EEF2: variants seen among roughly 807,000 people sequenced by gnomAD.
EEF2 encodes the protein elongation factor 2.
In EEF2, 21 loss-of-function variants were observed where a neutral mutation model predicts 85.3. That is an observed-to-expected ratio of 0.25 (90% confidence interval 0.17 to 0.35). EEF2 has a LOEUF of 0.35. Among genes scored for constraint, EEF2 ranks in the 10% least tolerant of loss-of-function variants. The pLI, the probability that EEF2 is intolerant of heterozygous loss-of-function variation, is 1.00. For missense variants in EEF2, 825 were observed against 1,225.3 expected (o/e 0.67, Z 4.88); for synonymous variants, 723 against 508.8 (o/e 1.42, Z -5.67).
At position 3,979,872 on chromosome 19, in the gene EEF2, G is replaced by A. The variant is rs2039723948; in HGVS notation, c.1541C>T (p.Pro514Leu). 6 of 1,613,668 alleles carry A rather than the reference G, an allele frequency of 3.7e-6. No individual in the cohort carries two copies. Among genetic ancestry groups the A allele is most frequent in the Non-Finnish European group, 5.1e-6 (6 of 1,180,040 alleles). The change falls in exon 10 of 15, where the codon CCG becomes CTG. Residue 514 changes from proline to leucine, a missense_variant. Coordinates refer to ENST00000309311, the MANE Select transcript of EEF2 (RefSeq NM_001961.4). Reference protein sequence around the residue: ...VVRVAVEAKNPADLPKLVEGL... With the variant: ...VVRVAVEAKNLADLPKLVEGL... ...CTCCACCAGCTTGGGCAGGTCAGCC[G>A]GGTTCTTGGCCTCCACGGCCACTCT...
At chr19:3,981,286 C>G (rs890509239) in intron 7 of EEF2, 53 bp downstream of exon 7, 18 of 1,559,676 alleles carry the variant, frequency 1.2e-5, no homozygotes, top group Non-Finnish European at 1.4e-5. Flanking sequence ...TCAGAGCATC[C>G]GGAAACAGCA....
chr19:3,980,337 G>A (rs2039729963), intron 9 of EEF2, among the ~76,000 whole-genome samples, 177 bp downstream of exon 9: 1 of 152,260 alleles, frequency 6.6e-6, no homozygotes, highest in African/African-American at 2.4e-5. Flanking sequence ...CTGGGGCTTG[G>A]AGCTTCTCCA....
At chr19:3,984,060 C>G in intron 2 of EEF2, 76 bp downstream of exon 2, 1 of 1,524,426 alleles carries the variant, frequency 6.6e-7, no homozygotes. Context: ...TCTCTCCCCG[C>G]GCACCCTGGC....
At chr19:3,981,003 T>C in intron 7 of EEF2, 24 bp from the exon 8 acceptor site, 1 of 1,559,302 alleles carries the variant, frequency 6.4e-7, no homozygotes, top group Non-Finnish European at 8.7e-7. Flanking sequence ...GAGCGGTGCA[T>C]GAGACACCTG....
intron 5 of EEF2, 51 bp from the exon 6 acceptor site, chr19:3,982,103 T>C (rs781757393): frequency 1.7e-5 from 27 of 1,607,462 alleles, no homozygotes; most frequent in East Asian, 4.5e-5. Flanking sequence ...AGGGGATGAC[T>C]TGGGGAGGGT....
intron 14 of EEF2, among the ~76,000 whole-genome samples, chr19:3,976,957 G>C (rs569543724): frequency 2.0e-5 from 3 of 152,206 alleles, no homozygotes; most frequent in Non-Finnish European, 4.4e-5. Flanking sequence ...GCTACAGCTC[G>C]GCTGCTCTAC....
chr19:3,977,735 GTC>G lies in EEF2; in HGVS notation c.2067+82_2067+83del, dbSNP rs1293543060. 1.6e-5 allele frequency: 24 copies of G among 1,493,104 alleles called. No individual in the cohort carries two copies. The highest frequency in any genetic ancestry group is 2.3e-5 in the East Asian group (1 of 43,662). 92.5% of individuals were successfully genotyped at this position (1,493,104 alleles called of 1,614,324 possible). A position where few individuals can be genotyped will look rare whatever the true frequency, so the allele number is the denominator to read the frequency against. On this transcript the variant is annotated intron_variant, in intron 12 of 14. Coordinates refer to ENST00000309311, the MANE Select transcript of EEF2 (RefSeq NM_001961.4). The surrounding 1 kb of genome is among the most constrained non-coding windows in gnomAD (Gnocchi z 5.4). ...CCTTGCCCGCCTTGGCCCCATTAGG[GTC>G]TCTGTCTCGGGAGGCAGGACCATGA...
At position 3,981,209 on chromosome 19, in the gene EEF2, G is replaced by A. The variant is rs917847100; in HGVS notation, c.1011+130C>T. The A allele has an allele frequency of 3.7e-6, 4 of 1,091,956 alleles. No homozygotes were observed. The Admixed American group carries it at 9.3e-5, about 25-fold the overall frequency. 67.6% of individuals were successfully genotyped at this position (1,091,956 alleles called of 1,614,324 possible). The stretch of plus-strand genomic sequence containing the variant: ...GGATGTGTCTCCAGCAGCACCCAGA[G>A]TCTAAAGCGAAAGGGGCAGCAGCTG... On this transcript the variant is annotated intron_variant, in intron 7 of 14. Coordinates refer to ENST00000309311, the MANE Select transcript of EEF2 (RefSeq NM_001961.4).
chr19:3,978,875 A>C (rs1409424453), intron 11 of EEF2, among the ~76,000 whole-genome samples: 1 of 146,350 alleles, frequency 6.8e-6, no homozygotes, highest in South Asian at 2.2e-4. Flanking sequence ...TAATCCCAGC[A>C]CTTTGGGAGG....
chr19:3,984,361 C>T lies in EEF2; in HGVS notation c.4-11G>A, dbSNP rs1440790585. 2 of 1,613,144 alleles carry T rather than the reference C, an allele frequency of 1.2e-6. No individual in the cohort carries two copies. The highest frequency in any genetic ancestry group is 1.7e-6 in the Non-Finnish European group (2 of 1,179,200). The stretch of plus-strand genomic sequence containing the variant: ...TACCGTGAAGTTCACCTGGGCAAGA[C>T]AAGGAGGCTCAGACCAGCTCGTGAT... On this transcript the variant is annotated splice_polypyrimidine_tract_variant and intron_variant, in intron 1 of 14. Coordinates refer to ENST00000309311, the MANE Select transcript of EEF2 (RefSeq NM_001961.4).
chr19:3,980,109 T>C (rs1399567967), intron 9 of EEF2, 43 bp from the exon 10 acceptor site: 1 of 1,590,044 alleles, frequency 6.3e-7, no homozygotes, highest in African/African-American at 1.3e-5. Flanking sequence ...GGGATGGTTG[T>C]GCTGGACCCT....
chr19:3,976,424 G>A lies in EEF2; in HGVS notation c.*130C>T, dbSNP rs991123541. On this transcript the variant is annotated 3_prime_UTR_variant, in exon 15 of 15. Coordinates refer to ENST00000309311, the MANE Select transcript of EEF2 (RefSeq NM_001961.4). Reference sequence around the variant, plus strand: ...TTATGGTTGAGTGATGGCACGCAGCGGGCCCCAGAAACCTCTCAGGGGAGC... The same window carrying A: ...TTATGGTTGAGTGATGGCACGCAGCAGGCCCCAGAAACCTCTCAGGGGAGC... 22 of 1,002,084 alleles carry A rather than the reference G, an allele frequency of 2.2e-5. No homozygotes were observed. Among genetic ancestry groups the A allele is most frequent in the African/African-American group, 2.0e-4 (12 of 60,958 alleles). The allele number at this position is 1,002,084 out of a possible 1,614,324, so 62.1% of individuals were successfully genotyped here. A position where few individuals can be genotyped will look rare whatever the true frequency, so the allele number is the denominator to read the frequency against.
chr19:3,981,481 C>A lies in EEF2; in HGVS notation c.898-29G>T, dbSNP rs113112005. On this transcript the variant is annotated intron_variant, in intron 6 of 14. Coordinates refer to ENST00000309311, the MANE Select transcript of EEF2 (RefSeq NM_001961.4). ...CATTCCCCACCAAGAAACAAGAAAGCCCATTTGGGAACAGCAGGAGGAAGC... is the reference window on the plus strand; with the variant it reads ...CATTCCCCACCAAGAAACAAGAAAGACCATTTGGGAACAGCAGGAGGAAGC... 2.6e-5 allele frequency: 41 copies of A among 1,600,878 alleles called. No individual in the cohort carries two copies. The African/African-American group carries it at 4.3e-4, about 17-fold the overall frequency.
At chr19:3,979,748 C>A in intron 10 of EEF2, 60 bp downstream of exon 10, 1 of 1,575,116 alleles carries the variant, frequency 6.3e-7, no homozygotes, top group South Asian at 1.2e-5. Flanking sequence ...AGCCACAACT[C>A]AGGACACAAG....
At position 3,976,272 on chromosome 19, in the gene EEF2, T is replaced by C. The variant is rs914216561; in HGVS notation, c.*282A>G. ...ACATCTGAGTTTCCCTCTGAAGAAATGGAAAAAGTGTTGGGTGTCCCATCC... is the reference window on the plus strand; with the variant it reads ...ACATCTGAGTTTCCCTCTGAAGAAACGGAAAAAGTGTTGGGTGTCCCATCC... On this transcript the variant is annotated 3_prime_UTR_variant, in exon 15 of 15. Transcript: ENST00000309311. 3 of 431,060 alleles carry C rather than the reference T, an allele frequency of 7.0e-6. No homozygotes were observed. In the South Asian group the frequency reaches 8.8e-5, roughly 13 times the overall value. The allele number at this position is 431,060 out of a possible 1,614,324, so 26.7% of individuals were successfully genotyped here.
chr19:3,982,145 T>C (rs2039757349), intron 5 of EEF2, 93 bp from the exon 6 acceptor site: 7 of 1,596,046 alleles, frequency 4.4e-6, no homozygotes, highest in Non-Finnish European at 8.6e-7. Flanking sequence ...GGGCAAGACC[T>C]GGTGGGCTTG....
intron 11 of EEF2, among the ~76,000 whole-genome samples, 188 bp downstream of exon 11, chr19:3,979,135 AAACAAC>A (rs577496701): frequency 6.6e-6 from 1 of 152,132 alleles, no homozygotes; most frequent in South Asian, 2.1e-4. Flanking sequence ...ATCTCAAAAA[AAACAAC>A]AACAACAACA....
At position 3,985,344 on chromosome 19, in the gene EEF2, C is replaced by A. The variant is rs761473230; in HGVS notation, c.3+34G>T. 3 of 1,459,622 alleles carry A rather than the reference C, an allele frequency of 2.1e-6. No individual in the cohort carries two copies. The South Asian group carries it at 4.1e-5, about 20-fold the overall frequency. The allele number at this position is 1,459,622 out of a possible 1,614,324, so 90.4% of individuals were successfully genotyped here. A position where few individuals can be genotyped will look rare whatever the true frequency, so the allele number is the denominator to read the frequency against. On this transcript the variant is annotated intron_variant, in intron 1 of 14. Coordinates refer to ENST00000309311, the MANE Select transcript of EEF2 (RefSeq NM_001961.4). Reference sequence around the variant, plus strand: ...GTAGGCCCCGCGGAGGCCCCGCCGCCGCTCCGGGGCACCAGCGAGGCAGGG... The same window carrying A: ...GTAGGCCCCGCGGAGGCCCCGCCGCAGCTCCGGGGCACCAGCGAGGCAGGG...
chr19:3,983,985 C>A (rs1362661006), intron 2 of EEF2, 151 bp downstream of exon 2: 3 of 801,686 alleles, frequency 3.7e-6, no homozygotes, highest in Non-Finnish European at 5.9e-6. Context: ...CATCCTGTCT[C>A]GCTGGACTGA....
Sources: allele counts gnomAD v4.1 joint callset (sites outside exome capture counted in the v4.1 genomes callset), GRCh38; gene constraint gnomAD v4.1.1; non-coding constraint Gnocchi (gnomAD v3.1); transcripts MANE v1.5; gene names NCBI Gene and HGNC (gene_info 2026-07-23, HGNC 2026-07-21).